PTPN4: variants seen among roughly 807,000 people sequenced by gnomAD.
The protein encoded by PTPN4 is tyrosine-protein phosphatase non-receptor type 4.
Under a neutral mutation model 135.5 loss-of-function variants are expected in PTPN4, and 49 were observed. That is an observed-to-expected ratio of 0.36 (90% CI 0.29 to 0.46). PTPN4 has a LOEUF of 0.46. Among genes scored for constraint, PTPN4 ranks in the 20% least tolerant of loss-of-function variants. PTPN4 has a pLI of 1.00. For missense variants in PTPN4, 860 were observed against 1,101.0 expected (o/e 0.78, Z 3.10); for synonymous variants, 333 against 369.9 (o/e 0.90, Z 1.14).
At chr2:119,946,211 T>C in intron 16 of PTPN4, 130 bp from the exon 17 acceptor site, 1 of 724,938 alleles carries the variant, frequency 1.4e-6, no homozygotes, top group East Asian at 3.0e-5. Context: ...TGAACTAAAA[T>C]TTTTATTAGA....
At chr2:119,866,368 T>C (rs1677835258) in intron 3 of PTPN4, among the ~76,000 whole-genome samples, 2 of 152,226 alleles carry the variant, frequency 1.3e-5, no homozygotes, top group South Asian at 4.1e-4. Context: ...TGTTGGTTTA[T>C]GATATTTGAC....
intron 18 of PTPN4, among the ~76,000 whole-genome samples, chr2:119,948,804 A>G (rs140856558): frequency 1.3e-5 from 2 of 152,270 alleles, no homozygotes; most frequent in Non-Finnish European, 2.9e-5. Context: ...AATTTCACAT[A>G]TATGTTTGAA....
intron 2 of PTPN4, among the ~76,000 whole-genome samples, chr2:119,845,999 A>G (rs1677493361): frequency 6.6e-6 from 1 of 152,116 alleles, no homozygotes; most frequent in South Asian, 2.1e-4. Flanking sequence ...GAATTTTCCA[A>G]ATTTCTTTCT....
Position 119,872,963 on chromosome 2 carries a change from G to C in PTPN4, c.247-4360G>C, listed in dbSNP as rs1437076085. On this transcript the variant is annotated intron_variant, in intron 3 of 26. Transcript: ENST00000263708. ...TTTAAGACCAAGGCTATTTACAATA[G>C]GAACCCTGAACAGTTTGGAGTTAAA... is the stretch of plus-strand genomic sequence containing the variant. Among the ~76,000 whole-genome samples, 4 of 152,208 alleles carry C rather than the reference G, an allele frequency of 2.6e-5. No individual in the cohort carries two copies. The East Asian group carries it at 7.7e-4, about 29-fold the overall frequency.
At position 119,856,398 on chromosome 2, in the gene PTPN4, A is replaced by G. The variant is rs140574933; in HGVS notation, c.139-6138A>G. Among the ~76,000 whole-genome samples, 15 of 152,274 alleles carry G rather than the reference A, an allele frequency of 9.9e-5. No homozygotes were observed. The East Asian group carries it at 2.7e-3, about 27-fold the overall frequency. Reference sequence around the variant, plus strand: ...TTACCAGCCTGAGGGTGTGAAATTTATCTTTGGGGAGAATGTTGTTTGGCA... The same window carrying G: ...TTACCAGCCTGAGGGTGTGAAATTTGTCTTTGGGGAGAATGTTGTTTGGCA... On this transcript the variant is annotated intron_variant, in intron 2 of 26. Transcript: ENST00000263708.
At chr2:119,889,758 T>C (rs1678214107) in intron 9 of PTPN4, among the ~76,000 whole-genome samples, 1 of 152,230 alleles carries the variant, frequency 6.6e-6, no homozygotes, top group South Asian at 2.1e-4. Context: ...CATTTATTGC[T>C]GTAAACATTC....
chr2:119,864,771 A>C (rs1420560795), intron 3 of PTPN4, among the ~76,000 whole-genome samples: 1 of 152,142 alleles, frequency 6.6e-6, no homozygotes, highest in African/African-American at 2.4e-5. Context: ...GGAAACAGGT[A>C]TTTGGAGCTA....
At chr2:119,802,597 A>G (rs776949708) in intron 1 of PTPN4, among the ~76,000 whole-genome samples, 32 of 152,278 alleles carry the variant, frequency 2.1e-4, no homozygotes, top group Non-Finnish European at 4.3e-4. Context: ...AATTCTTTTT[A>G]CATATTGCTG....
intron 1 of PTPN4, among the ~76,000 whole-genome samples, chr2:119,764,554 C>A (rs1232307219): frequency 6.6e-6 from 1 of 152,120 alleles, no homozygotes; most frequent in Non-Finnish European, 1.5e-5. Flanking sequence ...TTAATCCACT[C>A]ACAAGGATCA....
chr2:119,799,577 A>G (rs1488449774), intron 1 of PTPN4, among the ~76,000 whole-genome samples: 1 of 152,200 alleles, frequency 6.6e-6, no homozygotes, highest in African/African-American at 2.4e-5. Context: ...GCCACCTCTC[A>G]GCAAATTTGA....
intron 10 of PTPN4, among the ~76,000 whole-genome samples, chr2:119,913,851 A>G (rs182866713): frequency 3.9e-5 from 6 of 152,354 alleles, no homozygotes; most frequent in African/African-American, 1.4e-4. Flanking sequence ...AACCAGGCAT[A>G]TAGAAGCCAA....
At chr2:119,870,363 A>G (rs761711604) in intron 3 of PTPN4, among the ~76,000 whole-genome samples, 2 of 152,204 alleles carry the variant, frequency 1.3e-5, no homozygotes, top group Non-Finnish European at 2.9e-5. Flanking sequence ...ATAGAGACAC[A>G]CCATGCTCAT....
chr2:119,782,532 G>A (rs1690960564), intron 1 of PTPN4, among the ~76,000 whole-genome samples: 1 of 152,016 alleles, frequency 6.6e-6, no homozygotes, highest in South Asian at 2.1e-4. Flanking sequence ...ATCACAAAAA[G>A]TTCTATCATT....
At chr2:119,924,715 T>TA (rs72180883) in intron 12 of PTPN4, among the ~76,000 whole-genome samples, 1 of 151,776 alleles carries the variant, frequency 6.6e-6, no homozygotes, top group African/African-American at 2.4e-5. Flanking sequence ...TCATTAATTT[T>TA]AAAAAAAATT....
intron 5 of PTPN4, 94 bp downstream of exon 5, chr2:119,877,636 A>T (rs1678004856): frequency 7.1e-7 from 1 of 1,415,978 alleles, no homozygotes; most frequent in Admixed American, 2.6e-5. Flanking sequence ...ACTGTGGTGT[A>T]ATTCTGAGCT....
chr2:119,859,242 G>A (rs1677724664), intron 2 of PTPN4, among the ~76,000 whole-genome samples: 1 of 151,972 alleles, frequency 6.6e-6, no homozygotes, highest in African/African-American at 2.4e-5. Context: ...ATTCCTTTCG[G>A]TGTTGACATC....
At chr2:119,764,427 A>G (rs1690569963) in intron 1 of PTPN4, among the ~76,000 whole-genome samples, 1 of 152,192 alleles carries the variant, frequency 6.6e-6, no homozygotes, top group Non-Finnish European at 1.5e-5. Context: ...TTAAAAAGAA[A>G]ATAGTCTTGT....
At chr2:119,976,898 A>C in intron 26 of PTPN4, 86 bp from the exon 27 acceptor site, 2 of 1,525,920 alleles carry the variant, frequency 1.3e-6, no homozygotes, top group East Asian at 2.4e-5. Flanking sequence ...AAGCAAGCCA[A>C]GTGAGATGTT....
chr2:119,822,646 C>T (rs923116563), intron 2 of PTPN4, among the ~76,000 whole-genome samples: 18 of 152,170 alleles, frequency 1.2e-4, no homozygotes, highest in East Asian at 5.8e-4. Context: ...CGTGAGCCAC[C>T]GCACCCGGCC....
Sources: gnomAD v4.1 joint callset for allele counts (sites outside exome capture counted in the v4.1 genomes callset) on GRCh38, gnomAD v4.1.1 for gene constraint, MANE v1.5 for transcripts, NCBI Gene and HGNC (gene_info 2026-07-23, HGNC 2026-07-21) for gene names.